Variants in LRP6 observed in about 807,000 individuals in gnomAD.
The protein encoded by LRP6 is LDL receptor related protein 6, also known as low-density lipoprotein receptor-related protein 6.
Under a neutral mutation model 184.1 loss-of-function variants are expected in LRP6, and 43 were observed. That is an observed-to-expected ratio of 0.23 (90% CI 0.18 to 0.30). The LOEUF is 0.30. Ranked by LOEUF, LRP6 falls within the 10% of genes least tolerant of loss-of-function variation. LRP6 has a pLI of 1.00. For missense variants in LRP6, 1,571 were observed against 2,005.3 expected (o/e 0.78, Z 4.14); for synonymous variants, 719 against 684.9 (o/e 1.05, Z -0.78).
intron 15 of LRP6, among the ~76,000 whole-genome samples, chr12:12,145,535 C>T (rs1339387343): frequency 2.1e-5 from 3 of 144,962 alleles, no homozygotes; most frequent in Non-Finnish European, 3.0e-5. Context: ...TCCCTCCCTC[C>T]CCCTTCTCTC....
At chr12:12,202,339 A>G (rs762649128) in intron 3 of LRP6, among the ~76,000 whole-genome samples, 18 of 152,214 alleles carry the variant, frequency 1.2e-4, no homozygotes, top group Middle Eastern at 3.2e-3. Flanking sequence ...AGCTCAGGGC[A>G]TAAGACCAGC....
chr12:12,159,366 CTT>C lies in LRP6; in HGVS notation c.2465-213_2465-212del, dbSNP rs3841526. On this transcript the variant is annotated intron_variant, in intron 11 of 22. Transcript: ENST00000261349. Reference sequence around the variant, plus strand: ...CTATCTTCTGACCCCATGCTTCAAACTTATATTCCTGCTACAAATCACTCAGT... The same window carrying C: ...CTATCTTCTGACCCCATGCTTCAAACATATTCCTGCTACAAATCACTCAGT... Among the ~76,000 whole-genome samples the C allele has an allele frequency of 0.43, 65,474 of 151,860 alleles. 15,627 individuals are homozygous for C. The highest frequency in any genetic ancestry group is 0.8 in the East Asian group (4,139 of 5,156).
rs996258062 is a variant in LRP6, at chr12:12,159,789, T to C, written c.2455A>G (p.Asn819Asp). The change falls in exon 11 of 23, where the codon AAT (asparagine) becomes GAT (aspartate). Residue 819 changes from asparagine (N) to aspartate (D), a missense_variant. Coordinates refer to ENST00000261349, the MANE Select transcript of LRP6 (RefSeq NM_002336.3). ...DLDTNLIESS[N>D]MLGLNREVIA... The stretch of plus-strand genomic sequence containing the variant: ...AAGTAGTAAAGCTTACCAAGCATAT[T>C]TGAAGATTCTATTAAGTTGGTGTCC... 6.2e-6 allele frequency: 10 copies of C among 1,613,974 alleles called. No homozygotes were observed. In the South Asian group the frequency reaches 9.9e-5, roughly 16 times the overall value.
At chr12:12,236,112 A>G (rs1184595775) in intron 2 of LRP6, among the ~76,000 whole-genome samples, 4 of 152,060 alleles carry the variant, frequency 2.6e-5, no homozygotes, top group Non-Finnish European at 5.9e-5. Context: ...CTGTAGTCCC[A>G]GTCACTCGGG....
intron 1 of LRP6, among the ~76,000 whole-genome samples, chr12:12,258,902 T>A (rs1865540871): frequency 6.6e-6 from 1 of 152,216 alleles, no homozygotes; most frequent in Admixed American, 6.5e-5. Context: ...AATAGCCTCC[T>A]GGTTAAACAT....
In LRP6 at chr12:12,266,773, G is replaced by T. The variant is rs747833679; in HGVS notation, c.-38C>A. The T allele has an allele frequency of 1.3e-6, 2 of 1,569,908 alleles. No homozygotes were observed. Among genetic ancestry groups the T allele is most frequent in the South Asian group, 2.3e-5 (2 of 87,620 alleles). On this transcript the variant is annotated 5_prime_UTR_variant, in exon 1 of 23. Transcript: ENST00000261349. Reference sequence around the variant, plus strand: ...CGTTCTCTTCTCTCACCGGCGAGGGGTGGCCAGAAGTGGGGGAGGCGAGGA... The same window carrying T: ...CGTTCTCTTCTCTCACCGGCGAGGGTTGGCCAGAAGTGGGGGAGGCGAGGA...
chr12:12,237,113 G>A (rs913545486), intron 2 of LRP6, among the ~76,000 whole-genome samples: 4 of 152,056 alleles, frequency 2.6e-5, no homozygotes, highest in Admixed American at 1.3e-4. Flanking sequence ...TATCACCCAG[G>A]AAATTCCAAG....
intron 15 of LRP6, among the ~76,000 whole-genome samples, chr12:12,145,044 C>T (rs1248567043): frequency 1.3e-5 from 2 of 151,844 alleles, no homozygotes; most frequent in African/African-American, 2.4e-5. Context: ...CACATGTATC[C>T]TAAAACTTAT....
chr12:12,203,767 A>C (rs1453207732), intron 2 of LRP6, among the ~76,000 whole-genome samples: 1 of 152,206 alleles, frequency 6.6e-6, no homozygotes, highest in African/African-American at 2.4e-5. Flanking sequence ...TCTCTGTCTC[A>C]AAAACAAACA....
At chr12:12,186,636 T>C (rs2137003997) in intron 4 of LRP6, among the ~76,000 whole-genome samples, 1 of 147,410 alleles carries the variant, frequency 6.8e-6, no homozygotes, top group South Asian at 2.2e-4. Flanking sequence ...TGCTTCAGTC[T>C]CCCAAAGTGC....
intron 18 of LRP6, among the ~76,000 whole-genome samples, chr12:12,131,486 T>C (rs773818010): frequency 6.6e-6 from 1 of 152,156 alleles, no homozygotes; most frequent in Non-Finnish European, 1.5e-5. Flanking sequence ...TGGGAAAAGT[T>C]AGTAAGGGAA....
chr12:12,155,933 T>C (rs1950145931), intron 12 of LRP6, among the ~76,000 whole-genome samples: 1 of 152,150 alleles, frequency 6.6e-6, no homozygotes, highest in South Asian at 2.1e-4. Flanking sequence ...TTCTTGAGTA[T>C]CTACCACAGA....
chr12:12,149,788 T>C (rs545169508), intron 13 of LRP6, among the ~76,000 whole-genome samples: 76 of 152,176 alleles, frequency 5.0e-4, no homozygotes, highest in Admixed American at 9.2e-4. Context: ...AGTCTACACA[T>C]GCAATTTTTT....
rs1175185296 is a variant in LRP6 at position 12,165,109 on chromosome 12, G to A, written c.1732C>T (p.Leu578=). Residue 578 remains leucine (L), a synonymous_variant, in exon 8 of 23, where the codon CTA becomes TTA. Transcript: ENST00000261349. ...IIDQLPDLMG[L]KATNVHRVIG... is the part of the protein sequence containing the mutation. ...ACTCGATGAACATTTGTAGCCTTTA[G>A]GCCCATGAGGTCAGGCAGCTGATCT... The A allele has an allele frequency of 2.5e-6, 4 of 1,613,738 alleles. No homozygotes were observed. Among genetic ancestry groups the A allele is most frequent in the Non-Finnish European group, 3.4e-6 (4 of 1,179,918 alleles).
rs1220031943 is a variant in LRP6 at position 12,244,235 on chromosome 12, A to T, written c.449+27T>A. 7 of 1,613,294 alleles carry T rather than the reference A, an allele frequency of 4.3e-6. No homozygotes were observed. In the East Asian group the frequency reaches 1.6e-4, roughly 36 times the overall value. On this transcript the variant is annotated intron_variant, in intron 2 of 22. Coordinates refer to ENST00000261349, the MANE Select transcript of LRP6 (RefSeq NM_002336.3). Reference sequence around the variant, plus strand: ...AGAAAAACCGAAAGGAGGTATGATGATCTTCGTACACTGTACAAAAACTTA... The same window carrying T: ...AGAAAAACCGAAAGGAGGTATGATGTTCTTCGTACACTGTACAAAAACTTA...
At chr12:12,187,528 GGT>G (rs1365005861) in intron 3 of LRP6, 2 of 245,390 alleles carry the variant, frequency 8.2e-6, no homozygotes, top group Non-Finnish European at 1.6e-5. Flanking sequence ...AAATCACAGG[GGT>G]TACAGTTGGC....
intron 16 of LRP6, among the ~76,000 whole-genome samples, chr12:12,136,792 T>C (rs1949846589): frequency 6.6e-6 from 1 of 152,214 alleles, no homozygotes; most frequent in Non-Finnish European, 1.5e-5. Flanking sequence ...CAACCTTTAA[T>C]TCCATGACAT....
rs1339128710 is a variant in LRP6, at chr12:12,118,475, G to A, written c.*2651C>T. 1 of 152,152 alleles carries A rather than the reference G, an allele frequency of 6.6e-6. No individual in the cohort carries two copies. The highest frequency in any genetic ancestry group is 2.4e-5 in the African/African-American group (1 of 41,426). The allele number at this position is 152,152 out of a possible 1,614,324, so 9.4% of individuals were successfully genotyped here. On this transcript the variant is annotated 3_prime_UTR_variant, in exon 23 of 23. Transcript: ENST00000261349. ...TACTTTTGCATATAAGGAATCTAAT[G>A]AAACATTATTCATTTTCCCCCTTGG...
intron 7 of LRP6, among the ~76,000 whole-genome samples, chr12:12,178,263 T>C (rs532361846): frequency 5.9e-5 from 9 of 152,196 alleles, no homozygotes; most frequent in Non-Finnish European, 1.3e-4. Context: ...TCTGAATAAA[T>C]TTCTGTATCT....
Sources: gnomAD v4.1 joint callset for allele counts (sites outside exome capture counted in the v4.1 genomes callset) on GRCh38, gnomAD v4.1.1 for gene constraint, MANE v1.5 for transcripts, NCBI Gene and HGNC (gene_info 2026-07-23, HGNC 2026-07-21) for gene names.